UBE2E2: variants seen among roughly 807,000 people sequenced by gnomAD.
The protein encoded by UBE2E2 is ubiquitin conjugating enzyme E2 E2, also known as ubiquitin-conjugating enzyme E2 E2.
Under a neutral mutation model 24.7 loss-of-function variants are expected in UBE2E2, and 6 were observed. The ratio of observed to expected loss-of-function variants is 0.24; its 90% CI spans 0.13 to 0.48. UBE2E2 has a LOEUF of 0.48. UBE2E2 is among the 20% of genes least tolerant of loss of function. The probability of loss-of-function intolerance (pLI) is 0.99; values close to 1 mark genes in which losing one functional copy is unlikely to be tolerated. For missense variants in UBE2E2, 169 were observed against 245.0 expected (o/e 0.69, Z 2.07); for synonymous variants, 104 against 83.6 (o/e 1.24, Z -1.33).
chr3:23,512,950 A>T (rs772928763), intron 4 of UBE2E2, among the ~76,000 whole-genome samples: 1 of 152,158 alleles, frequency 6.6e-6, no homozygotes, highest in African/African-American at 2.4e-5. Flanking sequence ...GCATACATAC[A>T]TACATAAAAA....
chr3:23,284,977 ATT>A (rs1698582078), intron 3 of UBE2E2, among the ~76,000 whole-genome samples: 1 of 146,350 alleles, frequency 6.8e-6, no homozygotes. Flanking sequence ...ATATATATAT[ATT>A]TATATATTTA....
At chr3:23,436,129 A>G (rs1698176476) in intron 3 of UBE2E2, among the ~76,000 whole-genome samples, 1 of 152,116 alleles carries the variant, frequency 6.6e-6, no homozygotes, top group Non-Finnish European at 1.5e-5. Flanking sequence ...CCCAGTTCCT[A>G]ACAGGCTACA....
At chr3:23,365,148 C>A (rs1696220817) in intron 3 of UBE2E2, among the ~76,000 whole-genome samples, 1 of 152,168 alleles carries the variant, frequency 6.6e-6, no homozygotes, top group Non-Finnish European at 1.5e-5. Flanking sequence ...CCACCTATGA[C>A]AAACCCACAG....
intron 3 of UBE2E2, among the ~76,000 whole-genome samples, chr3:23,382,755 A>T (rs905913963): frequency 6.6e-6 from 1 of 152,258 alleles, no homozygotes; most frequent in Non-Finnish European, 1.5e-5. Flanking sequence ...TATCAATACA[A>T]GGAAATATTA....
At chr3:23,424,077 C>T (rs116189843) in intron 3 of UBE2E2, among the ~76,000 whole-genome samples, 1,670 of 152,154 alleles carry the variant, frequency 0.011, 22 homozygotes, top group African/African-American at 0.037. Flanking sequence ...GCTTTTGTTC[C>T]CTAATTTGGA....
intron 3 of UBE2E2, among the ~76,000 whole-genome samples, chr3:23,297,920 T>G (rs1178849115): frequency 3.9e-5 from 6 of 152,018 alleles, no homozygotes; most frequent in Admixed American, 2.6e-4. Flanking sequence ...TACCCATGAG[T>G]ATGGAATGTT....
intron 5 of UBE2E2, among the ~76,000 whole-genome samples, chr3:23,558,152 T>C (rs1695835577): frequency 2.6e-5 from 4 of 152,210 alleles, no homozygotes; most frequent in Admixed American, 2.6e-4. Context: ...ACTGATAGCT[T>C]GATGCCCTAA....
chr3:23,267,434 G>C (rs943044239), intron 3 of UBE2E2, among the ~76,000 whole-genome samples: 72 of 152,230 alleles, frequency 4.7e-4, no homozygotes, highest in African/African-American at 1.7e-3. Flanking sequence ...CACCTCTACA[G>C]AAATAAACTA....
chr3:23,382,015 G>C (rs1481886129), intron 3 of UBE2E2, among the ~76,000 whole-genome samples: 24 of 151,974 alleles, frequency 1.6e-4, no homozygotes, highest in Admixed American at 1.6e-3. Context: ...TCCCATCCAG[G>C]GGATTATTCT....
intron 3 of UBE2E2, among the ~76,000 whole-genome samples, chr3:23,484,609 T>C (rs993753521): frequency 1.3e-5 from 2 of 152,204 alleles, no homozygotes; most frequent in Non-Finnish European, 2.9e-5. Context: ...TGATGCAAGA[T>C]GTGTATTACT....
At chr3:23,454,824 A>G (rs894274479) in intron 3 of UBE2E2, among the ~76,000 whole-genome samples, 2 of 152,246 alleles carry the variant, frequency 1.3e-5, no homozygotes, top group East Asian at 1.9e-4. Context: ...AGTGTTGTAC[A>G]GTGTACTTCC....
intron 3 of UBE2E2, among the ~76,000 whole-genome samples, chr3:23,250,372 C>G (rs937764242): frequency 1.2e-4 from 19 of 152,248 alleles, no homozygotes; most frequent in African/African-American, 4.3e-4. Context: ...GTTTCTGAGA[C>G]CAGGTCTATA....
rs766607412 is a variant in UBE2E2 at position 23,319,688 on chromosome 3, G to A, written c.227+102376G>A. On this transcript the variant is annotated intron_variant, in intron 3 of 5. Coordinates refer to ENST00000396703, the MANE Select transcript of UBE2E2 (RefSeq NM_152653.4). ...AAATTAGCTGGATGTGGTGGCAGGG[G>A]CCTATAGTCCTAGCTACTTTTGAGG... 5.8e-5 allele frequency among the ~76,000 whole-genome samples: 8 copies of A among 137,872 alleles called. 1 individual carries two copies. Among genetic ancestry groups the A allele is most frequent in the Non-Finnish European group, 1.2e-4 (7 of 60,502 alleles). The allele number at this position is 137,872 out of a possible 152,430, so 90.4% of individuals were successfully genotyped here.
intron 3 of UBE2E2, among the ~76,000 whole-genome samples, chr3:23,282,994 T>G (rs28548892): frequency 0.033 from 5,018 of 152,162 alleles, 270 homozygotes; most frequent in African/African-American, 0.11. Context: ...TGAGTGATAA[T>G]ATAATGATAA....
At chr3:23,305,121 T>C (rs947519851) in intron 3 of UBE2E2, among the ~76,000 whole-genome samples, 8 of 152,190 alleles carry the variant, frequency 5.3e-5, no homozygotes, top group Non-Finnish European at 1.0e-4. Flanking sequence ...GTTTGAAAGG[T>C]CAAATTTTAT....
intron 3 of UBE2E2, among the ~76,000 whole-genome samples, chr3:23,466,355 T>TTG (rs1454818090): frequency 6.6e-6 from 1 of 152,206 alleles, no homozygotes; most frequent in Non-Finnish European, 1.5e-5. Flanking sequence ...TCAGCACTAG[T>TTG]TGTCTACAGT....
chr3:23,341,007 C>A (rs912233114), intron 3 of UBE2E2, among the ~76,000 whole-genome samples: 1 of 152,120 alleles, frequency 6.6e-6, no homozygotes, highest in Non-Finnish European at 1.5e-5. Context: ...GTGAGTACAT[C>A]AAATGATCTT....
chr3:23,485,955 A>G (rs1401008532), intron 3 of UBE2E2, among the ~76,000 whole-genome samples: 1 of 152,204 alleles, frequency 6.6e-6, no homozygotes, highest in East Asian at 1.9e-4. Context: ...CCTGGTAACA[A>G]CAGTAGTGTC....
chr3:23,355,618 T>TTTTG (rs370225621), intron 3 of UBE2E2, among the ~76,000 whole-genome samples: 1 of 152,210 alleles, frequency 6.6e-6, no homozygotes, highest in East Asian at 1.9e-4. Context: ...AGTTACTTTT[T>TTTTG]TTTGTTTGTT....
Sources: allele counts gnomAD v4.1 joint callset (sites outside exome capture counted in the v4.1 genomes callset), GRCh38; gene constraint gnomAD v4.1.1; transcripts MANE v1.5; gene names NCBI Gene and HGNC (gene_info 2026-07-23, HGNC 2026-07-21).